The following PCDHA6 variants were observed in gnomAD, a reference collection of about 807,000 sequenced individuals.
PCDHA6 encodes protocadherin alpha 6.
A neutral mutation model predicts 60.3 loss-of-function variants in PCDHA6; 55 were observed. The observed-to-expected ratio is 0.91, with a 90% confidence interval of 0.73 to 1.14. The LOEUF (loss-of-function observed/expected upper bound fraction) is 1.14, where lower values mean the gene tolerates loss of function less well. Ranked by LOEUF, PCDHA6 falls within the 50% of genes most tolerant of loss-of-function variation. The pLI is 0.00. For synonymous variants in PCDHA6, 652 were observed against 557.9 expected, an observed-to-expected ratio of 1.17 and a Z score of -2.38; for missense variants, 1,327 against 1,256.5, an observed-to-expected ratio of 1.06 and a Z score of -0.85.
At chr5:140,875,538 A>C in intron 1 of PCDHA6, 17 of 1,614,126 alleles carry the variant, frequency 1.1e-5, no homozygotes, top group Non-Finnish European at 1.4e-5. Context: ...TGCTCCTTGC[A>C]GCCTGGGAGG....
chr5:140,851,287 C>T, intron 1 of PCDHA6: 1 of 1,037,890 alleles, frequency 9.6e-7, no homozygotes, highest in Non-Finnish European at 1.2e-6. Flanking sequence ...ATAAGAAACC[C>T]AAGCAAAAAT....
At position 140,829,291 on chromosome 5, in the gene PCDHA6, C is replaced by T. The variant is rs1224318047; in HGVS notation, c.1200C>T (p.Thr400=). 15 of 1,614,130 alleles carry T rather than the reference C, an allele frequency of 9.3e-6. No individual in the cohort carries two copies. Among genetic ancestry groups the T allele is most frequent in the Middle Eastern group, 1.6e-4 (1 of 6,084 alleles). ...TPHVPFKLVS[T]FKNYYSLVLD... The stretch of plus-strand genomic sequence containing the variant: ...ACGTCCCTTTCAAGCTGGTGTCCAC[C>T]TTCAAGAATTACTACTCGTTGGTGC... Residue 400 remains threonine (T), a synonymous_variant, in exon 1 of 4, where the codon ACC becomes ACT. Coordinates refer to ENST00000529310, the MANE Select transcript of PCDHA6 (RefSeq NM_018909.4).
intron 1 of PCDHA6, chr5:140,926,342 G>T (rs1238404747): frequency 6.6e-6 from 1 of 152,270 alleles, no homozygotes; most frequent in Admixed American, 6.5e-5. Flanking sequence ...GCCGGGACCC[G>T]ACGCGCGGCT....
intron 1 of PCDHA6, among the ~76,000 whole-genome samples, chr5:140,894,384 T>A (rs1554186071): frequency 6.6e-6 from 1 of 152,046 alleles, no homozygotes; most frequent in Admixed American, 6.5e-5. Flanking sequence ...ATTATATTTG[T>A]ATTAGATATT....
At chr5:140,882,718 T>A (rs782288800) in intron 1 of PCDHA6, 9 of 1,614,054 alleles carry the variant, frequency 5.6e-6, no homozygotes, top group Middle Eastern at 1.6e-4. Flanking sequence ...CTCCGGAAAC[T>A]CGATTTCCAC....
chr5:140,947,100 T>C (rs782585215), intron 1 of PCDHA6, among the ~76,000 whole-genome samples: 16 of 151,438 alleles, frequency 1.1e-4, no homozygotes, highest in Non-Finnish European at 2.1e-4. Context: ...AGCCCATAAA[T>C]AGGTACGTGT....
chr5:140,977,340 G>T (rs2096757114), intron 1 of PCDHA6, among the ~76,000 whole-genome samples: 1 of 152,198 alleles, frequency 6.6e-6, no homozygotes, highest in African/African-American at 2.4e-5. Context: ...GAGAGACGGT[G>T]ATGATGACTG....
At chr5:140,886,923 A>G (rs2061226884) in intron 1 of PCDHA6, among the ~76,000 whole-genome samples, 1 of 151,812 alleles carries the variant, frequency 6.6e-6, no homozygotes, top group Non-Finnish European at 1.5e-5. Context: ...AGTGTTCTCT[A>G]TGTGCCAGGC....
Position 140,985,833 on chromosome 5 carries a change from G to A in PCDHA6, c.2542+3270G>A, listed in dbSNP as rs1458914557. Among the ~76,000 whole-genome samples the A allele has an allele frequency of 2.8e-5, 4 of 143,674 alleles. No homozygotes were observed. In the East Asian group the frequency reaches 6.5e-4, roughly 23 times the overall value. The allele number at this position is 143,674 out of a possible 152,430, so 94.3% of individuals were successfully genotyped here. A position where few individuals can be genotyped will look rare whatever the true frequency, so the allele number is the denominator to read the frequency against. ...CAGCTCACAACAAGCTCTGCCTCCC[G>A]GGTTCATGCCACTCTCCTGCCTCAG... On this transcript the variant is annotated intron_variant, in intron 3 of 3. Coordinates refer to ENST00000529310, the MANE Select transcript of PCDHA6 (RefSeq NM_018909.4).
intron 1 of PCDHA6, among the ~76,000 whole-genome samples, chr5:140,973,202 T>C (rs1266876355): frequency 3.3e-5 from 5 of 152,244 alleles, no homozygotes; most frequent in African/African-American, 1.2e-4. Flanking sequence ...TATGTGTGCA[T>C]ATTCACCCTA....
intron 1 of PCDHA6, chr5:140,842,575 G>T (rs782407336): frequency 1.3e-6 from 2 of 1,509,128 alleles, no homozygotes; most frequent in East Asian, 4.6e-5. Flanking sequence ...GCGAGAGAGT[G>T]TCGGCCTATG....
chr5:140,926,757 A>T, intron 1 of PCDHA6: 1 of 1,278,278 alleles, frequency 7.8e-7, no homozygotes, highest in Non-Finnish European at 1.0e-6. Flanking sequence ...GCGGTCGCTG[A>T]GTATCCAGCC....
At chr5:140,965,853 A>G (rs1554227879) in intron 1 of PCDHA6, among the ~76,000 whole-genome samples, 2 of 152,220 alleles carry the variant, frequency 1.3e-5, no homozygotes, top group Non-Finnish European at 2.9e-5. Flanking sequence ...CAAGGCACAC[A>G]CTGAAAATAA....
chr5:140,997,324 T>C (rs1447294871), intron 3 of PCDHA6, among the ~76,000 whole-genome samples: 1 of 152,202 alleles, frequency 6.6e-6, no homozygotes, highest in Non-Finnish European at 1.5e-5. Context: ...TAGGCAGTTT[T>C]TTCGTTGTAC....
intron 1 of PCDHA6, among the ~76,000 whole-genome samples, chr5:140,943,465 GA>G (rs1412044069): frequency 6.6e-6 from 1 of 152,022 alleles, no homozygotes. Flanking sequence ...CTAAATGTGG[GA>G]GATACAGTAA....
chr5:140,835,858 A>G (rs1773990824), intron 1 of PCDHA6: 1 of 1,612,030 alleles, frequency 6.2e-7, no homozygotes, highest in South Asian at 1.1e-5. Context: ...CTGGTGTCCT[A>G]CTCGCTGGTG....
chr5:140,876,165 C>T (rs782073467), intron 1 of PCDHA6: 4 of 1,613,944 alleles, frequency 2.5e-6, no homozygotes, highest in Admixed American at 1.7e-5. Flanking sequence ...TTCAAATAAC[C>T]GTCCTGGATG....
intron 3 of PCDHA6, among the ~76,000 whole-genome samples, chr5:141,002,755 T>A (rs894161079): frequency 1.3e-5 from 2 of 152,174 alleles, no homozygotes; most frequent in Non-Finnish European, 2.9e-5. Context: ...GACAACCCTG[T>A]GATGTAGACA....
At position 140,951,508 on chromosome 5, in the gene PCDHA6, G is replaced by A. The variant is rs536073969; in HGVS notation, c.2395-27441G>A. Among the ~76,000 whole-genome samples the A allele has an allele frequency of 3.9e-5, 6 of 152,080 alleles. No individual in the cohort carries two copies. The South Asian group carries it at 6.2e-4, about 16-fold the overall frequency. On this transcript the variant is annotated intron_variant, in intron 1 of 3. Coordinates refer to ENST00000529310, the MANE Select transcript of PCDHA6 (RefSeq NM_018909.4). ...TCATGGTGGAAGGCAAAAGGAAAGC[G>A]GCTCATCTTACATGGCCGGTGCAGG...
Sources: allele counts gnomAD v4.1 joint callset (sites outside exome capture counted in the v4.1 genomes callset), GRCh38; gene constraint gnomAD v4.1.1; transcripts MANE v1.5; gene names NCBI Gene and HGNC (gene_info 2026-07-23, HGNC 2026-07-21).